Variants in OCIAD1 observed in about 807,000 individuals in gnomAD.
The protein encoded by OCIAD1 is OCIA domain-containing protein 1.
A neutral mutation model predicts 38.9 loss-of-function variants in OCIAD1; 29 were observed. That is an observed-to-expected ratio of 0.74 (90% CI 0.55 to 1.02). OCIAD1 has a LOEUF of 1.02. Ranked by LOEUF, OCIAD1 falls within the 50% of genes least tolerant of loss-of-function variation. OCIAD1 has a pLI of 0.00. For missense variants in OCIAD1, 288 were observed against 289.6 expected (o/e 0.99, Z 0.04); for synonymous variants, 110 against 92.0 (o/e 1.20, Z -1.12).
intron 8 of OCIAD1, among the ~76,000 whole-genome samples, 195 bp downstream of exon 8, chr4:48,857,560 G>A (rs1439675577): frequency 5.4e-5 from 8 of 149,488 alleles, no homozygotes; most frequent in South Asian, 2.1e-4. Flanking sequence ...TTGCTCCGTC[G>A]CCAGGCTGGA....
chr4:48,813,200 A>G (rs765255434), intron 1 of OCIAD1, among the ~76,000 whole-genome samples: 2 of 152,150 alleles, frequency 1.3e-5, no homozygotes, highest in African/African-American at 2.4e-5. Context: ...ACATATTATG[A>G]TTTTTCATTT....
intron 7 of OCIAD1, chr4:48,852,450 TC>T (rs1779566415): frequency 6.6e-6 from 1 of 152,542 alleles, no homozygotes; most frequent in Admixed American, 6.5e-5. Context: ...AGTGAGAAAA[TC>T]CATGTGAAAA....
In OCIAD1 at chr4:48,850,012, A is replaced by C. The variant is rs1315864407; in HGVS notation, c.307A>C (p.Lys103Gln). The part of the protein sequence containing the change: ...SYVKTCQEKF[K>Q]KLENSPLGEA... ...TGTGAAAACTTGCCAAGAGAAATTC[A>C]AGAAACTTGAAAATTCCCCCCTTGG... Residue 103 changes from lysine (K) to glutamine (Q), a missense_variant, in exon 6 of 9, where the codon AAG (lysine) becomes CAG (glutamine). Lys to Gln is a moderately conservative substitution (Grantham distance 53). Coordinates refer to ENST00000264312, the MANE Select transcript of OCIAD1 (RefSeq NM_017830.4). 2.5e-6 allele frequency: 4 copies of C among 1,613,520 alleles called. No individual in the cohort carries two copies. Among genetic ancestry groups the C allele is most frequent in the Non-Finnish European group, 3.4e-6 (4 of 1,179,860 alleles).
chr4:48,847,404 T>G (rs1344686702), intron 4 of OCIAD1, among the ~76,000 whole-genome samples: 1 of 152,202 alleles, frequency 6.6e-6, no homozygotes, highest in Non-Finnish European at 1.5e-5. Context: ...AACTGTAGTT[T>G]TCAGTGTTAA....
intron 1 of OCIAD1, among the ~76,000 whole-genome samples, chr4:48,814,000 A>T (rs1305080762): frequency 6.6e-6 from 1 of 152,210 alleles, no homozygotes; most frequent in Non-Finnish European, 1.5e-5. Flanking sequence ...TCATTAAAAA[A>T]ATTTTTTAAG....
chr4:48,857,498 T>A (rs970102889), intron 8 of OCIAD1, 133 bp downstream of exon 8: 4 of 506,458 alleles, frequency 7.9e-6, no homozygotes, highest in African/African-American at 6.0e-5. Context: ...AAAATATTTT[T>A]AAAATAGTAC....
At chr4:48,806,394 T>C (rs4694904) in intron 1 of OCIAD1, among the ~76,000 whole-genome samples, 77,430 of 152,084 alleles carry the variant, frequency 0.51, 20,029 homozygotes, top group South Asian at 0.6. Flanking sequence ...TTCATTCTTT[T>C]CCAAAATCAC....
At chr4:48,824,936 A>G (rs112267257) in intron 1 of OCIAD1, among the ~76,000 whole-genome samples, 17 of 152,212 alleles carry the variant, frequency 1.1e-4, no homozygotes, top group Admixed American at 3.9e-4. Flanking sequence ...GGGTTTCACA[A>G]TGTTGCCCAG....
chr4:48,832,697 A>C lies in OCIAD1; in HGVS notation c.58+15A>C. On this transcript the variant is annotated intron_variant, in intron 2 of 8. Transcript: ENST00000264312. ...ACCAATTCCCCGTAACTATCTATTA[A>C]GTATTTATAATTAGAAGCACTTCCT... is the stretch of plus-strand genomic sequence containing the variant. The C allele has an allele frequency of 6.3e-7, 1 of 1,592,372 alleles. No homozygotes were observed. The highest frequency in any genetic ancestry group is 8.6e-7 in the Non-Finnish European group (1 of 1,160,270).
intron 4 of OCIAD1, 149 bp downstream of exon 4, chr4:48,842,838 C>T (rs778365140): frequency 1.9e-6 from 1 of 536,594 alleles, no homozygotes; most frequent in Non-Finnish European, 3.2e-6. Flanking sequence ...CGTTTTATCT[C>T]TGTGGACCCA....
chr4:48,841,490 G>A (rs991947792), intron 3 of OCIAD1, among the ~76,000 whole-genome samples: 2 of 152,130 alleles, frequency 1.3e-5, no homozygotes, highest in African/African-American at 4.8e-5. Flanking sequence ...TCTACCCGGG[G>A]AACTCATTAG....
In OCIAD1 at chr4:48,852,338, G is replaced by A. The variant is rs79998532; in HGVS notation, c.547+363G>A. On this transcript the variant is annotated intron_variant, in intron 7 of 8. Coordinates refer to ENST00000264312, the MANE Select transcript of OCIAD1 (RefSeq NM_017830.4). ...GAAGAAATGATAAATCGTGTCTCAG[G>A]AAGTAGAGCTCCAGGAAAGGTATAA... is the stretch of plus-strand genomic sequence containing the variant. 244 of 166,774 alleles carry A rather than the reference G, an allele frequency of 1.5e-3. 1 individual carries two copies. Among genetic ancestry groups the A allele is most frequent in the Middle Eastern group, 5.4e-3 (2 of 368 alleles). The allele number at this position is 166,774 out of a possible 1,614,324, so 10.3% of individuals were successfully genotyped here. A position where few individuals can be genotyped will look rare whatever the true frequency, so the allele number is the denominator to read the frequency against.
chr4:48,857,138 G>A, intron 7 of OCIAD1, 75 bp from the exon 8 acceptor site: 1 of 823,022 alleles, frequency 1.2e-6, no homozygotes, highest in East Asian at 2.9e-5. Flanking sequence ...TTTGTAAGGA[G>A]CATTTGTAAA....
chr4:48,851,633 G>T (rs998225637), intron 6 of OCIAD1, among the ~76,000 whole-genome samples, 173 bp from the exon 7 acceptor site: 1 of 151,876 alleles, frequency 6.6e-6, no homozygotes, highest in Non-Finnish European at 1.5e-5. Flanking sequence ...CCAAGACTGC[G>T]TCACTGCACT....
intron 8 of OCIAD1, 27 bp downstream of exon 8, chr4:48,857,392 T>C (rs371119084): frequency 4.1e-6 from 6 of 1,458,772 alleles, no homozygotes; most frequent in Middle Eastern, 1.8e-4. Context: ...TGAATCACTT[T>C]ACTGTTGAGG....
intron 8 of OCIAD1, among the ~76,000 whole-genome samples, chr4:48,858,627 T>G (rs1780314099): frequency 6.6e-6 from 1 of 152,074 alleles, no homozygotes; most frequent in South Asian, 2.1e-4. Context: ...CTGTTAAAAA[T>G]TTTTTTTGGT....
Position 48,842,654 on chromosome 4 carries a change from C to T in OCIAD1, c.158C>T (p.Thr53Ile). The part of the protein sequence containing the change: ...FWFRSVPLAA[T>I]SMLITQGLIS... Reference sequence around the variant, plus strand: ...CCTATAGCTGTGCCTTTGGCTGCAACAAGTATGTTGATTACTCAAGGATTA... The same window carrying T: ...CCTATAGCTGTGCCTTTGGCTGCAATAAGTATGTTGATTACTCAAGGATTA... Residue 53 changes from threonine to isoleucine, a missense_variant, in exon 4 of 9, where the codon ACA becomes ATA. Physicochemically the swap from Thr to Ile is moderately conservative, Grantham distance 89 (BLOSUM62 -1). Transcript: ENST00000264312. 1 of 1,574,088 alleles carries T rather than the reference C, an allele frequency of 6.4e-7. No homozygotes were observed. Among genetic ancestry groups the T allele is most frequent in the Non-Finnish European group, 8.6e-7 (1 of 1,161,130 alleles).
intron 4 of OCIAD1, among the ~76,000 whole-genome samples, chr4:48,845,264 A>T (rs1348517473): frequency 6.6e-6 from 1 of 152,172 alleles, no homozygotes; most frequent in Non-Finnish European, 1.5e-5. Context: ...CGTTTAACCC[A>T]TTGCAGTCAG....
chr4:48,846,563 A>G (rs1369752956), intron 4 of OCIAD1, among the ~76,000 whole-genome samples: 1 of 152,078 alleles, frequency 6.6e-6, no homozygotes, highest in African/African-American at 2.4e-5. Flanking sequence ...CCTGGCCAAT[A>G]TGGTGAAACC....
Sources: allele counts gnomAD v4.1 joint callset (sites outside exome capture counted in the v4.1 genomes callset), GRCh38; gene constraint gnomAD v4.1.1; transcripts MANE v1.5; gene names NCBI Gene and HGNC (gene_info 2026-07-23, HGNC 2026-07-21).